NAMPT: variants seen among roughly 807,000 people sequenced by gnomAD.
The protein encoded by NAMPT is NAmPRTase.
Under a neutral mutation model 58.7 loss-of-function variants are expected in NAMPT, and 7 were observed. That is an observed-to-expected ratio of 0.12 (90% CI 0.07 to 0.22). The LOEUF is 0.22. NAMPT is among the 10% of genes least tolerant of loss of function. The pLI is 1.00. For synonymous variants in NAMPT, 145 were observed against 198.1 expected, an observed-to-expected ratio of 0.73 and a Z score of 2.25; for missense variants, 271 against 567.9, an observed-to-expected ratio of 0.48 and a Z score of 5.31.
At chr7:106,260,749 C>T (rs550149985) in intron 8 of NAMPT, among the ~76,000 whole-genome samples, 3 of 152,308 alleles carry the variant, frequency 2.0e-5, no homozygotes, top group African/African-American at 7.2e-5. Context: ...AATTTAAATA[C>T]TGTTGTGTCT....
intron 6 of NAMPT, 86 bp downstream of exon 6, chr7:106,268,378 G>T: frequency 8.3e-7 from 1 of 1,199,628 alleles, no homozygotes; most frequent in Non-Finnish European, 1.2e-6. Flanking sequence ...TAGGTACCTG[G>T]CTCTGCAGTT....
At chr7:106,258,845 G>A (rs1792254501) in intron 8 of NAMPT, among the ~76,000 whole-genome samples, 1 of 43,258 alleles carries the variant, frequency 2.3e-5, no homozygotes, top group East Asian at 0.016. Flanking sequence ...GATCAGGGTT[G>A]CTGAAGGTTT....
In NAMPT at chr7:106,249,548, T is replaced by C. The variant is rs943315382; in HGVS notation, c.*1535A>G. 1.8e-4 allele frequency: 28 copies of C among 152,104 alleles called. No homozygotes were observed. The highest frequency in any genetic ancestry group is 6.3e-4 in the African/African-American group (26 of 41,426). 9.4% of individuals were successfully genotyped at this position (152,104 alleles called of 1,614,324 possible). ...CTCCTCCCTTCCCTAGAAACCAACA[T>C]TTCCTTTTAAATGCAAGGCACACTC... On this transcript the variant is annotated 3_prime_UTR_variant, in exon 11 of 11. Coordinates refer to ENST00000222553, the MANE Select transcript of NAMPT (RefSeq NM_005746.3).
intron 6 of NAMPT, among the ~76,000 whole-genome samples, chr7:106,266,666 AGCACCTT>A (rs1792417541): frequency 6.6e-6 from 1 of 152,180 alleles, no homozygotes; most frequent in Non-Finnish European, 1.5e-5. Flanking sequence ...CCATTTATTT[AGCACCTT>A]GGTCTGGACT....
intron 8 of NAMPT, 56 bp from the exon 9 acceptor site, chr7:106,254,560 A>G (rs1481934172): frequency 5.8e-6 from 9 of 1,562,044 alleles, no homozygotes; most frequent in Non-Finnish European, 7.9e-6. Context: ...AAGAGAATGG[A>G]GATTATTTTC....
intron 4 of NAMPT, chr7:106,272,298 A>G (rs911114776): frequency 2.0e-5 from 7 of 354,292 alleles, no homozygotes; most frequent in Non-Finnish European, 5.3e-6. Context: ...TTTAAAAACA[A>G]TCACTCTCAA....
At chr7:106,281,241 C>T (rs953426873) in intron 1 of NAMPT, among the ~76,000 whole-genome samples, 1 of 151,640 alleles carries the variant, frequency 6.6e-6, no homozygotes, top group Non-Finnish European at 1.5e-5. Context: ...TGAGATATGA[C>T]ACATATATTT....
At chr7:106,255,181 A>G (rs966560996) in intron 8 of NAMPT, among the ~76,000 whole-genome samples, 1 of 152,196 alleles carries the variant, frequency 6.6e-6, no homozygotes, top group African/African-American at 2.4e-5. Flanking sequence ...ACAGTTCTAA[A>G]AGAGTTCTTT....
intron 8 of NAMPT, among the ~76,000 whole-genome samples, chr7:106,254,775 G>T (rs547620993): frequency 6.6e-6 from 1 of 152,266 alleles, no homozygotes; most frequent in South Asian, 2.1e-4. Context: ...GGAAATGAGA[G>T]AAAGTGAGAA....
intron 4 of NAMPT, 65 bp downstream of exon 4, chr7:106,272,465 C>G: frequency 7.0e-7 from 1 of 1,427,014 alleles, no homozygotes; most frequent in Non-Finnish European, 9.5e-7. Flanking sequence ...AAATTCTAAA[C>G]TGTAATCTCA....
At chr7:106,253,792 CAA>C (rs1040621686) in intron 9 of NAMPT, among the ~76,000 whole-genome samples, 3 of 152,096 alleles carry the variant, frequency 2.0e-5, no homozygotes, top group Non-Finnish European at 2.9e-5. Flanking sequence ...AAAGAAAGAT[CAA>C]AGAGTGAAGC....
chr7:106,277,772 A>G (rs1009542516), intron 1 of NAMPT, among the ~76,000 whole-genome samples: 2 of 152,354 alleles, frequency 1.3e-5, no homozygotes, highest in Admixed American at 6.5e-5. Flanking sequence ...CTAACTGGAA[A>G]ATAAATTCTT....
chr7:106,284,701 T>G, intron 1 of NAMPT, 127 bp downstream of exon 1: 3 of 1,016,906 alleles, frequency 3.0e-6, no homozygotes, highest in Non-Finnish European at 3.6e-6. Flanking sequence ...CCCCCGGGCC[T>G]CCCCGCGCCG....
chr7:106,252,475 T>G (rs1792120807), intron 10 of NAMPT, among the ~76,000 whole-genome samples: 1 of 152,150 alleles, frequency 6.6e-6, no homozygotes, highest in Non-Finnish European at 1.5e-5. Flanking sequence ...TGTACTTTTT[T>G]CTAATAATAT....
In NAMPT at chr7:106,272,637, T is replaced by C. The variant is rs142386213; in HGVS notation, c.340A>G (p.Ile114Val). Residue 114 changes from isoleucine to valine, a missense_variant, in exon 4 of 11, where the codon ATA (isoleucine) becomes GTA (valine). Around this residue, in one of 4 missense-constraint regions of NAMPT, gnomAD observed 103 missense variants for 194.2 expected, o/e 0.53. Coordinates refer to ENST00000222553, the MANE Select transcript of NAMPT (RefSeq NM_005746.3). ...ILEKYDGHLP[I>V]EIKAVPEGFV... ...CCCTCAGGAACAGCTTTTATTTCTA[T>C]TGGAAGATGCCCATCATACTTCTGG... is the stretch of plus-strand genomic sequence containing the variant. 6.8e-6 allele frequency: 11 copies of C among 1,613,174 alleles called. No individual in the cohort carries two copies. Among genetic ancestry groups the C allele is most frequent in the African/African-American group, 2.7e-5 (2 of 74,896 alleles).
At chr7:106,268,407 TTACAAA>T in intron 6 of NAMPT, 51 bp downstream of exon 6, 1 of 1,533,862 alleles carries the variant, frequency 6.5e-7, no homozygotes. Flanking sequence ...TGTCACTGAG[TTACAAA>T]TACAAGAGTG....
chr7:106,264,321 A>G (rs1792369198), intron 6 of NAMPT, among the ~76,000 whole-genome samples: 1 of 152,098 alleles, frequency 6.6e-6, no homozygotes, highest in Admixed American at 6.5e-5. Context: ...TTTCTATTGG[A>G]TAAGAATGGT....
At chr7:106,254,640 G>A (rs1024229494) in intron 8 of NAMPT, 136 bp from the exon 9 acceptor site, 44 of 1,018,616 alleles carry the variant, frequency 4.3e-5, no homozygotes, top group Admixed American at 8.3e-5. Context: ...ATTATAGCCC[G>A]CATTTTGTTT....
intron 1 of NAMPT, among the ~76,000 whole-genome samples, chr7:106,280,432 A>G (rs1378268679): frequency 3.9e-5 from 6 of 152,210 alleles, no homozygotes; most frequent in Non-Finnish European, 8.8e-5. Flanking sequence ...TAAAGTTAAC[A>G]CAGAAAGCTC....
Sources: allele counts gnomAD v4.1 joint callset (sites outside exome capture counted in the v4.1 genomes callset), GRCh38; gene constraint gnomAD v4.1.1; regional missense constraint gnomAD v4.1.1; transcripts MANE v1.5; gene names NCBI Gene and HGNC (gene_info 2026-07-23, HGNC 2026-07-21).